Variants in PAX5 observed in about 807,000 individuals in gnomAD.
The protein encoded by PAX5 is paired box protein Pax-5.
A neutral mutation model predicts 43.7 loss-of-function variants in PAX5; 9 were observed. That is an observed-to-expected ratio of 0.21 (90% CI 0.12 to 0.36). The LOEUF (loss-of-function observed/expected upper bound fraction) is 0.36. Among genes scored for constraint, PAX5 ranks in the 10% least tolerant of loss-of-function variants. PAX5 has a pLI of 1.00. For synonymous variants in PAX5, 228 were observed against 214.3 expected (o/e 1.06, Z -0.56); for missense variants, 383 against 532.7 (o/e 0.72, Z 2.77).
chr9:37,005,016 C>T (rs1422258772), intron 4 of PAX5, among the ~76,000 whole-genome samples: 1 of 152,210 alleles, frequency 6.6e-6, no homozygotes, highest in African/African-American at 2.4e-5. Flanking sequence ...TGCTGCTGAC[C>T]TACAGTAGAA....
rs149896434 is a variant in PAX5, at chr9:36,840,647, C to A, written c.1100-11G>T. 27 of 1,537,086 alleles carry A rather than the reference C, an allele frequency of 1.8e-5. No individual in the cohort carries two copies. In the East Asian group the frequency reaches 5.1e-4, roughly 29 times the overall value. On this transcript the variant is annotated splice_polypyrimidine_tract_variant and intron_variant, in intron 9 of 9. Transcript: ENST00000358127. The stretch of plus-strand genomic sequence containing the variant: ...AATAGTAGGGGGAGCCTGGAAGAGA[C>A]GGGAGAGAGCACCGAGGTCAGATCC...
chr9:37,033,869 G>T, intron 1 of PAX5, 117 bp downstream of exon 1: 1 of 798,548 alleles, frequency 1.3e-6, no homozygotes, highest in Non-Finnish European at 2.2e-6. Flanking sequence ...GCCGCAGTTA[G>T]ACAGTCTCTA....
chr9:36,859,800 C>T (rs1824021999), intron 8 of PAX5, among the ~76,000 whole-genome samples: 2 of 151,982 alleles, frequency 1.3e-5, no homozygotes, highest in Non-Finnish European at 2.9e-5. Context: ...TTTGGGAGGC[C>T]GAGGTAGGTG....
chr9:36,900,911 G>A (rs542783686), intron 7 of PAX5, among the ~76,000 whole-genome samples: 9 of 104,882 alleles, frequency 8.6e-5, no homozygotes, highest in Non-Finnish European at 1.6e-4. Context: ...ATTATCTCCC[G>A]GGTCCCCCAG....
intron 6 of PAX5, among the ~76,000 whole-genome samples, chr9:36,941,876 G>A (rs1054544290): frequency 1.7e-4 from 26 of 152,206 alleles, no homozygotes; most frequent in African/African-American, 2.9e-4. Flanking sequence ...TGATGCAGGG[G>A]TGCATAGGGC....
chr9:36,950,303 A>G (rs956818789), intron 6 of PAX5, among the ~76,000 whole-genome samples: 2 of 152,216 alleles, frequency 1.3e-5, no homozygotes, highest in East Asian at 1.9e-4. Flanking sequence ...TCTTCAATAA[A>G]ATCATCCCAT....
intron 5 of PAX5, among the ~76,000 whole-genome samples, chr9:36,990,165 A>G (rs1431973040): frequency 6.6e-6 from 1 of 152,194 alleles, no homozygotes; most frequent in Non-Finnish European, 1.5e-5. Context: ...TTTATTGAGC[A>G]CTTATTATAT....
At chr9:37,002,849 G>A in intron 4 of PAX5, 73 bp from the exon 5 acceptor site, 1 of 1,509,270 alleles carries the variant, frequency 6.6e-7, no homozygotes, top group Middle Eastern at 2.1e-4. Context: ...CCGCACGTGA[G>A]GCTGGGGGCG....
At chr9:36,862,446 A>C (rs542569566) in intron 8 of PAX5, among the ~76,000 whole-genome samples, 11 of 152,278 alleles carry the variant, frequency 7.2e-5, no homozygotes, top group African/African-American at 2.4e-4. Flanking sequence ...TGCGCCCCTG[A>C]GAGGTCCTCA....
chr9:36,896,837 G>C (rs555064563), intron 7 of PAX5, among the ~76,000 whole-genome samples: 1 of 152,306 alleles, frequency 6.6e-6, no homozygotes, highest in Non-Finnish European at 1.5e-5. Context: ...CACTAAACAG[G>C]GAACTCCATG....
intron 5 of PAX5, among the ~76,000 whole-genome samples, chr9:36,991,619 GC>G (rs1836947815): frequency 6.6e-6 from 1 of 152,176 alleles, no homozygotes; most frequent in Non-Finnish European, 1.5e-5. Context: ...CTAATGGTCA[GC>G]CCACCTGGGC....
intron 7 of PAX5, among the ~76,000 whole-genome samples, chr9:36,909,988 A>C (rs1416903521): frequency 1.3e-5 from 2 of 151,718 alleles, no homozygotes; most frequent in African/African-American, 2.4e-5. Context: ...CATCCAGCTA[A>C]TTTTTGTAGA....
In PAX5 at chr9:36,952,755, T is replaced by G. The variant is rs971507189; in HGVS notation, c.780+13794A>C. The stretch of plus-strand genomic sequence containing the variant: ...CAATCATGTACCTTCTAATAGAATA[T>G]TCCCAGTTCCTCATTCCTGTCCCTT... On this transcript the variant is annotated intron_variant, in intron 6 of 9. Transcript: ENST00000358127. Among the ~76,000 whole-genome samples the G allele has an allele frequency of 3.3e-5, 5 of 152,230 alleles. No individual in the cohort carries two copies. The South Asian group carries it at 1.0e-3, about 32-fold the overall frequency.
chr9:36,903,485 C>G (rs1828567636), intron 7 of PAX5, among the ~76,000 whole-genome samples: 1 of 152,240 alleles, frequency 6.6e-6, no homozygotes, highest in South Asian at 2.1e-4. Context: ...ACAGGGCTCC[C>G]CACAATGGAC....
chr9:36,914,472 G>A (rs1443783640), intron 7 of PAX5, among the ~76,000 whole-genome samples: 2 of 152,098 alleles, frequency 1.3e-5, no homozygotes, highest in South Asian at 2.1e-4. Context: ...CTGTGCACGG[G>A]GAAAGCCCTG....
intron 5 of PAX5, among the ~76,000 whole-genome samples, chr9:37,000,581 C>T (rs9407057): frequency 0.015 from 2,300 of 152,200 alleles, 55 homozygotes; most frequent in African/African-American, 0.053. Flanking sequence ...ATCAAAACAC[C>T]GTGTCTATTT....
intron 5 of PAX5, among the ~76,000 whole-genome samples, chr9:36,981,185 G>GGCCCC: frequency 9.4e-6 from 1 of 106,490 alleles, no homozygotes; most frequent in South Asian, 3.2e-4. Flanking sequence ...AAACAGCAAA[G>GGCCCC]CCCCCCCCCC....
chr9:36,973,616 C>A (rs926186861), intron 5 of PAX5, among the ~76,000 whole-genome samples: 15 of 152,236 alleles, frequency 9.9e-5, no homozygotes, highest in African/African-American at 3.6e-4. Flanking sequence ...CCTATAATCC[C>A]AGCACTTTGG....
chr9:36,873,968 G>C (rs552392990), intron 8 of PAX5, among the ~76,000 whole-genome samples: 1 of 152,322 alleles, frequency 6.6e-6, no homozygotes, highest in East Asian at 1.9e-4. Flanking sequence ...CAGAGGTCCT[G>C]GCTGAGCTGG....
Sources: allele counts gnomAD v4.1 joint callset (sites outside exome capture counted in the v4.1 genomes callset), GRCh38; gene constraint gnomAD v4.1.1; transcripts MANE v1.5; gene names NCBI Gene and HGNC (gene_info 2026-07-23, HGNC 2026-07-21).